The following HMGN3 variants were observed in gnomAD, a reference collection of about 807,000 sequenced individuals.
HMGN3 encodes high mobility group nucleosome-binding domain-containing protein 3.
Under a neutral mutation model 18.8 loss-of-function variants are expected in HMGN3, and 6 were observed. The ratio of observed to expected loss-of-function variants is 0.32; its 90% CI spans 0.18 to 0.63. The LOEUF (loss-of-function observed/expected upper bound fraction) is 0.63, where lower values mean the gene tolerates loss of function less well. HMGN3 is among the 30% of genes least tolerant of loss of function. The pLI is 0.79. For missense variants in HMGN3, 107 were observed against 114.2 expected (o/e 0.94, Z 0.29); for synonymous variants, 40 against 36.5 (o/e 1.10, Z -0.35).
intron 2 of HMGN3, among the ~76,000 whole-genome samples, chr6:79,212,561 C>A (rs9343884): frequency 0.34 from 52,098 of 152,004 alleles, 9,313 homozygotes; most frequent in Non-Finnish European, 0.37. Flanking sequence ...ATCTGCCTTC[C>A]TCTCATTTTA....
intron 1 of HMGN3, among the ~76,000 whole-genome samples, chr6:79,217,423 T>A (rs546762229): frequency 6.6e-6 from 1 of 152,292 alleles, no homozygotes; most frequent in East Asian, 1.9e-4. Context: ...GAATGATAGA[T>A]GATAATGACA....
At chr6:79,209,405 C>T (rs1776573648) in intron 2 of HMGN3, among the ~76,000 whole-genome samples, 2 of 152,174 alleles carry the variant, frequency 1.3e-5, no homozygotes, top group Admixed American at 1.3e-4. Context: ...CAAGGGATTT[C>T]ACATTCTAAA....
chr6:79,234,285 T>C, intron 1 of HMGN3: 1 of 383,528 alleles, frequency 2.6e-6, no homozygotes, highest in Non-Finnish European at 4.7e-6. Flanking sequence ...GTGGAAAACA[T>C]TCCAGCGAGA....
intron 1 of HMGN3, among the ~76,000 whole-genome samples, chr6:79,226,304 A>C (rs745612037): frequency 5.3e-5 from 8 of 152,210 alleles, no homozygotes; most frequent in Non-Finnish European, 1.2e-4. Context: ...TCCTTATCAC[A>C]GGTGCTGTGG....
At chr6:79,204,728 G>A (rs1776313275) in intron 3 of HMGN3, among the ~76,000 whole-genome samples, 1 of 152,154 alleles carries the variant, frequency 6.6e-6, no homozygotes, top group Non-Finnish European at 1.5e-5. Context: ...TGAAATTGTA[G>A]ACAGTTTGAT....
Position 79,202,142 on chromosome 6 carries a change from C to T in HMGN3, c.261+134G>A, listed in dbSNP as rs1280361551. On this transcript the variant is annotated intron_variant, in intron 5 of 5. Coordinates refer to ENST00000344726, the Ensembl canonical transcript of HMGN3. Reference sequence around the variant, plus strand: ...GGAGGTTGAGACATTAACAGTTGAGCGAGAGATGTGGATCTGCAATAACAT... The same window carrying T: ...GGAGGTTGAGACATTAACAGTTGAGTGAGAGATGTGGATCTGCAATAACAT... The T allele has an allele frequency of 1.3e-5, 21 of 1,566,024 alleles. No individual in the cohort carries two copies. The Admixed American group carries it at 2.1e-4, about 15-fold the overall frequency.
At chr6:79,226,704 A>G (rs1777582941) in intron 1 of HMGN3, among the ~76,000 whole-genome samples, 1 of 152,190 alleles carries the variant, frequency 6.6e-6, no homozygotes, top group South Asian at 2.1e-4. Context: ...AATTACTGAC[A>G]TTTCTCTTAA....
At chr6:79,202,919 G>C (rs567612575) in intron 4 of HMGN3, among the ~76,000 whole-genome samples, 79 of 152,272 alleles carry the variant, frequency 5.2e-4, no homozygotes, top group Middle Eastern at 3.4e-3. Flanking sequence ...TTCTGTTTCT[G>C]AAATCACCTA....
At chr6:79,224,234 T>C (rs1270216980) in intron 1 of HMGN3, among the ~76,000 whole-genome samples, 1 of 152,198 alleles carries the variant, frequency 6.6e-6, no homozygotes, top group Non-Finnish European at 1.5e-5. Context: ...TCTTCTAGGC[T>C]GGCTCAAAGT....
chr6:79,219,483 AGAAG>A (rs1262335605), intron 1 of HMGN3, among the ~76,000 whole-genome samples: 1 of 152,160 alleles, frequency 6.6e-6, no homozygotes, highest in African/African-American at 2.4e-5. Context: ...AAACAAATCT[AGAAG>A]GAAGGAAAAC....
chr6:79,215,134 T>C (rs913664637), intron 1 of HMGN3, 112 bp from the exon 2 acceptor site: 11 of 676,994 alleles, frequency 1.6e-5, no homozygotes, highest in African/African-American at 3.7e-5. Flanking sequence ...CAGATTTTTT[T>C]GCAAAGAAAA....
At chr6:79,226,605 G>GAAA in intron 1 of HMGN3, among the ~76,000 whole-genome samples, 1 of 152,106 alleles carries the variant, frequency 6.6e-6, no homozygotes, top group South Asian at 2.1e-4. Context: ...TACAAAACAC[G>GAAA]TATCTCAGGT....
chr6:79,224,332 G>A lies in HMGN3; in HGVS notation c.16-9310C>T, dbSNP rs76072183. Among the ~76,000 whole-genome samples, 548 of 152,238 alleles carry A rather than the reference G, an allele frequency of 3.6e-3. 3 individuals carry two copies. Among genetic ancestry groups the A allele is most frequent in the African/African-American group, 0.012 (478 of 41,538 alleles). On this transcript the variant is annotated intron_variant, in intron 1 of 5. Coordinates refer to ENST00000344726, the Ensembl canonical transcript of HMGN3. ...TGGGTGCAGATCTGGGATTCTAGAA[G>A]AGCAAAAGCCTTCCAGCTTGGGAAA...
intron 1 of HMGN3, among the ~76,000 whole-genome samples, chr6:79,233,081 A>G (rs1415468477): frequency 6.6e-6 from 1 of 152,202 alleles, no homozygotes; most frequent in African/African-American, 2.4e-5. Context: ...TGAGTACGAA[A>G]TGGGTGAGAA....
intron 1 of HMGN3, among the ~76,000 whole-genome samples, chr6:79,223,843 T>C (rs1219337123): frequency 6.6e-6 from 1 of 151,968 alleles, no homozygotes; most frequent in Non-Finnish European, 1.5e-5. Flanking sequence ...ACCTGACTTC[T>C]CTAGACTTGA....
chr6:79,223,537 CAAACACCCACAAAA>C (rs1161521099), intron 1 of HMGN3, among the ~76,000 whole-genome samples: 1 of 151,824 alleles, frequency 6.6e-6, no homozygotes, highest in African/African-American at 2.4e-5. Context: ...CACACACAAA[CAAACACCCACAAAA>C]AACAATTAGC....
At chr6:79,224,483 G>A (rs759791514) in intron 1 of HMGN3, among the ~76,000 whole-genome samples, 2 of 152,138 alleles carry the variant, frequency 1.3e-5, no homozygotes, top group Non-Finnish European at 2.9e-5. Flanking sequence ...TTTATGTTGA[G>A]TTGAACAAAA....
At chr6:79,228,851 G>T (rs972942328) in intron 1 of HMGN3, among the ~76,000 whole-genome samples, 1 of 152,196 alleles carries the variant, frequency 6.6e-6, no homozygotes, top group Non-Finnish European at 1.5e-5. Context: ...ACAGGTGTGA[G>T]CCACTGCTCA....
intron 1 of HMGN3, among the ~76,000 whole-genome samples, chr6:79,226,175 T>C (rs190013751): frequency 5.3e-5 from 8 of 152,312 alleles, no homozygotes; most frequent in African/African-American, 9.6e-5. Flanking sequence ...CAGAGGAAAT[T>C]TGTTAATCTC....
Sources: gnomAD v4.1 joint callset for allele counts (sites outside exome capture counted in the v4.1 genomes callset) on GRCh38, gnomAD v4.1.1 for gene constraint, MANE v1.5 for transcripts, NCBI Gene and HGNC (gene_info 2026-07-23, HGNC 2026-07-21) for gene names.